CACNA1B: variants seen among roughly 807,000 people sequenced by gnomAD.
The protein encoded by CACNA1B is voltage-dependent N-type calcium channel subunit alpha-1B.
CACNA1B carries 70 observed loss-of-function variants against 247.2 expected under a neutral mutation model. That is an observed-to-expected ratio of 0.28 (90% CI 0.23 to 0.35). The LOEUF is 0.35. CACNA1B is among the 10% of genes least tolerant of loss of function. CACNA1B has a pLI of 1.00. For synonymous variants in CACNA1B, 1,231 were observed against 1,294.4 expected, an observed-to-expected ratio of 0.95 and a Z score of 1.05; for missense variants, 2,367 against 3,197.4, an observed-to-expected ratio of 0.74 and a Z score of 6.26.
At chr9:138,106,374 T>C (rs1488619678) in intron 39 of CACNA1B, among the ~76,000 whole-genome samples, 1 of 152,178 alleles carries the variant, frequency 6.6e-6, no homozygotes, top group Non-Finnish European at 1.5e-5. Context: ...AAGCCTCACT[T>C]ACGTCTCCCC....
rs1960169083 is a variant in CACNA1B at position 138,072,567 on chromosome 9, T to A, written c.4675-921T>A. On this transcript the variant is annotated intron_variant, in intron 32 of 46. Coordinates refer to ENST00000371372, the MANE Select transcript of CACNA1B (RefSeq NM_000718.4). This position sits in a 1 kb window ranked among gnomAD's most constrained non-coding sequence, Gnocchi z 4.5. The stretch of plus-strand genomic sequence containing the variant: ...TTAAAATGCTGCAGTGGCAGGAAGC[T>A]GCTCTCAGGCTGTGTGTGGGCACCT... 6.6e-6 allele frequency among the ~76,000 whole-genome samples: 1 copy of A among 152,256 alleles called. No homozygotes were observed. The highest frequency in any genetic ancestry group is 6.5e-5 in the Admixed American group (1 of 15,288).
At chr9:138,046,513 G>A (rs552767085) in intron 21 of CACNA1B, among the ~76,000 whole-genome samples, 1 of 152,236 alleles carries the variant, frequency 6.6e-6, no homozygotes, top group Admixed American at 6.5e-5. Flanking sequence ...TCTGTGAAAG[G>A]GCTGGGTAGT....
rs71387878 is a variant in CACNA1B, at chr9:137,947,975, CTTTTTTT to C, written c.967-4282_967-4276del. On this transcript the variant is annotated intron_variant, in intron 6 of 46. Transcript: ENST00000371372. ...TAAAGTTGAGAAGTTTTCAGCATTCCTTTTTTTTTTTTTTTTTTTTTTTGAGATGGAG... is the reference window on the plus strand; with the variant it reads ...TAAAGTTGAGAAGTTTTCAGCATTCCTTTTTTTTTTTTTTTTGAGATGGAG... 1.0e-4 allele frequency among the ~76,000 whole-genome samples: 8 copies of C among 79,442 alleles called. No individual in the cohort carries two copies. In the South Asian group the frequency reaches 1.4e-3, roughly 14 times the overall value. 52.1% of individuals were successfully genotyped at this position (79,442 alleles called of 152,430 possible). A position where few individuals can be genotyped will look rare whatever the true frequency, so the allele number is the denominator to read the frequency against.
At chr9:138,112,836 CGCGGGGAGGTGCCCA>C (rs1961691025) in intron 40 of CACNA1B, among the ~76,000 whole-genome samples, 1 of 151,922 alleles carries the variant, frequency 6.6e-6, no homozygotes, top group African/African-American at 2.4e-5. Context: ...CGTGAGGGAG[CGCGGGGAGGTGCCCA>C]ACTCCATCTT....
Position 137,882,800 on chromosome 9 carries a change from C to G in CACNA1B, c.447C>G (p.Ile149Met). Residue 149 changes from isoleucine (I) to methionine (M), a missense_variant, in exon 3 of 47, where the codon ATC becomes ATG. Around this residue, in one of 12 missense-constraint regions of CACNA1B, gnomAD observed 130 missense variants for 338.7 expected, o/e 0.38. Transcript: ENST00000371372. This position sits in a 1 kb window ranked among gnomAD's most constrained non-coding sequence, Gnocchi z 4.0. Reference sequence around the variant, plus strand: ...TTTGCTTCGAGGCAGGGATCAAAATCATCGCTCTGGGCTTTGTCTTCCACA... The same window carrying G: ...TTTGCTTCGAGGCAGGGATCAAAATGATCGCTCTGGGCTTTGTCTTCCACA... Reference protein sequence around the residue: ...GIFCFEAGIKIIALGFVFHKG... With the variant: ...GIFCFEAGIKMIALGFVFHKG... The G allele has an allele frequency of 6.2e-7, 1 of 1,613,964 alleles. No homozygotes were observed. The highest frequency in any genetic ancestry group is 8.5e-7 in the Non-Finnish European group (1 of 1,179,850).
At chr9:137,948,750 T>C (rs1957828630) in intron 6 of CACNA1B, among the ~76,000 whole-genome samples, 1 of 147,066 alleles carries the variant, frequency 6.8e-6, no homozygotes, top group South Asian at 2.2e-4. Flanking sequence ...GTGGTGTATG[T>C]GGTGTGTGCC....
intron 44 of CACNA1B, among the ~76,000 whole-genome samples, chr9:138,119,141 A>G (rs1961984511): frequency 1.3e-5 from 2 of 152,014 alleles, no homozygotes; most frequent in Admixed American, 1.3e-4. Context: ...ACTCTCATCC[A>G]GAAAATTTCA....
At chr9:138,026,333 C>G (rs1958920716) in intron 20 of CACNA1B, among the ~76,000 whole-genome samples, 1 of 152,204 alleles carries the variant, frequency 6.6e-6, no homozygotes, top group Non-Finnish European at 1.5e-5. Flanking sequence ...CCAGCTCCCT[C>G]ACCTGATTCT....
intron 36 of CACNA1B, among the ~76,000 whole-genome samples, chr9:138,095,475 G>A (rs910458348): frequency 3.9e-5 from 6 of 152,104 alleles, no homozygotes; most frequent in Admixed American, 1.3e-4. Flanking sequence ...AACAAGTGTC[G>A]ACAAGGATGT....
At chr9:138,107,544 A>G (rs929848253) in intron 39 of CACNA1B, among the ~76,000 whole-genome samples, 1 of 152,026 alleles carries the variant, frequency 6.6e-6, no homozygotes. Flanking sequence ...TTTAAAATAT[A>G]TCCAAAATGT....
intron 3 of CACNA1B, among the ~76,000 whole-genome samples, chr9:137,898,589 T>G (rs983413548): frequency 6.6e-6 from 1 of 152,116 alleles, no homozygotes; most frequent in African/African-American, 2.4e-5. Context: ...TGCTGCAGCC[T>G]CCACCTTCCA....
At chr9:137,931,388 CT>C (rs1957605960) in intron 6 of CACNA1B, among the ~76,000 whole-genome samples, 1 of 152,148 alleles carries the variant, frequency 6.6e-6, no homozygotes, top group Non-Finnish European at 1.5e-5. Context: ...CAATCAGGTA[CT>C]TTCCATTTTT....
rs1488942330 is a variant in CACNA1B, at chr9:137,889,794, C to T, written c.530+6911C>T. On this transcript the variant is annotated intron_variant, in intron 3 of 46. Coordinates refer to ENST00000371372, the MANE Select transcript of CACNA1B (RefSeq NM_000718.4). ...TCTGATAGGGTGGGATCCTGGCCCCCTCTTCAGCACACGCCCCTGGCTGGG... is the reference window on the plus strand; with the variant it reads ...TCTGATAGGGTGGGATCCTGGCCCCTTCTTCAGCACACGCCCCTGGCTGGG... Among the ~76,000 whole-genome samples, 9 of 149,464 alleles carry T rather than the reference C, an allele frequency of 6.0e-5. 1 individual carries two copies. The highest frequency in any genetic ancestry group is 2.7e-4 in the Admixed American group (4 of 14,984).
chr9:137,960,112 G>GAGACGCCACGT (rs1957994491), intron 10 of CACNA1B, among the ~76,000 whole-genome samples: 1 of 145,508 alleles, frequency 6.9e-6, no homozygotes, highest in Admixed American at 6.8e-5. Flanking sequence ...GTCAGCCTGA[G>GAGACGCCACGT]GAACTACTCT....
Position 138,100,854 on chromosome 9 carries a change from A to T in CACNA1B, c.5223-1857A>T, listed in dbSNP as rs1221750291. On this transcript the variant is annotated intron_variant, in intron 37 of 46. Coordinates refer to ENST00000371372, the MANE Select transcript of CACNA1B (RefSeq NM_000718.4). This position sits in a 1 kb window ranked among gnomAD's most constrained non-coding sequence, Gnocchi z 4.6. ...TGAGAGGAAGAGCTGACCGAGAGGG[A>T]GGGGCAGGGCAGTGTTCTGTGTGGA... Among the ~76,000 whole-genome samples the T allele has an allele frequency of 6.6e-6, 1 of 151,904 alleles. No individual in the cohort carries two copies. The highest frequency in any genetic ancestry group is 2.4e-5 in the African/African-American group (1 of 41,342).
chr9:138,009,277 A>T (rs1453740111), intron 16 of CACNA1B, among the ~76,000 whole-genome samples: 3 of 152,146 alleles, frequency 2.0e-5, no homozygotes, highest in South Asian at 2.1e-4. Context: ...GGGTCCTGGG[A>T]GGTCAGTTGA....
intron 20 of CACNA1B, chr9:138,032,883 G>T: frequency 6.7e-6 from 2 of 299,542 alleles, no homozygotes; most frequent in Non-Finnish European, 1.3e-5. Context: ...TATCTTGTTT[G>T]GGGTTTGCTC....
intron 6 of CACNA1B, among the ~76,000 whole-genome samples, chr9:137,949,098 ATGTTTGTGGTGGC>A (rs1564203139): frequency 8.3e-3 from 15 of 1,818 alleles, no homozygotes; most frequent in East Asian, 0.014. Flanking sequence ...TGGTGTGTGC[ATGTTTGTGGTGGC>A]TGTGTGTCCA....
intron 26 of CACNA1B, among the ~76,000 whole-genome samples, chr9:138,055,619 A>G (rs192317420): frequency 6.6e-6 from 1 of 152,170 alleles, no homozygotes; most frequent in Non-Finnish European, 1.5e-5. Flanking sequence ...TATGTGTTAC[A>G]TAAGGTATGG....
Sources: allele counts gnomAD v4.1 joint callset (sites outside exome capture counted in the v4.1 genomes callset), GRCh38; gene constraint gnomAD v4.1.1; regional missense constraint gnomAD v4.1.1; non-coding constraint Gnocchi (gnomAD v3.1); transcripts MANE v1.5; gene names NCBI Gene and HGNC (gene_info 2026-07-23, HGNC 2026-07-21).